RERE: variants seen among roughly 807,000 people sequenced by gnomAD.
RERE encodes arginine-glutamic acid dipeptide repeats, also known as arginine-glutamic acid dipeptide repeats protein.
A neutral mutation model predicts 146.1 loss-of-function variants in RERE; 40 were observed. The observed-to-expected ratio is 0.27, with a 90% CI of 0.21 to 0.36. RERE has a LOEUF of 0.36. Among genes scored for constraint, RERE ranks in the 10% least tolerant of loss-of-function variants. RERE has a pLI of 1.00. For missense variants in RERE, 1,933 were observed against 2,138.7 expected (o/e 0.90, Z 1.90); for synonymous variants, 1,003 against 866.0 (o/e 1.16, Z -2.78).
chr1:8,541,196 CA>C lies in RERE; in HGVS notation c.830+17del. On this transcript the variant is annotated intron_variant, in intron 7 of 22. Transcript: ENST00000400908. ...AGGAAAAGAGTTCTCAATGAATGGA[CA>C]CAAGTGACTCACTTACCTTGTCTCA... The C allele has an allele frequency of 7.5e-7, 1 of 1,331,894 alleles. No individual in the cohort carries two copies. The highest frequency in any genetic ancestry group is 1.1e-6 in the Non-Finnish European group (1 of 930,552). The allele number at this position is 1,331,894 out of a possible 1,614,324, so 82.5% of individuals were successfully genotyped here.
intron 1 of RERE, among the ~76,000 whole-genome samples, chr1:8,672,964 T>C (rs970965383): frequency 6.6e-6 from 1 of 152,150 alleles, no homozygotes; most frequent in Non-Finnish European, 1.5e-5. Flanking sequence ...CAGCAGTAAT[T>C]AGAATCGGAG....
Position 8,696,231 on chromosome 1 carries a change from A to G in RERE, c.-144-39790T>C, listed in dbSNP as rs1189733296. On this transcript the variant is annotated intron_variant, in intron 1 of 22. Coordinates refer to ENST00000400908, the MANE Select transcript of RERE (RefSeq NM_001042681.2). Reference sequence around the variant, plus strand: ...TTAAATCGTTCTACCAAAAATACACATGCACTCGTATGTTCATCACAGCGC... The same window carrying G: ...TTAAATCGTTCTACCAAAAATACACGTGCACTCGTATGTTCATCACAGCGC... 4.6e-5 allele frequency among the ~76,000 whole-genome samples: 7 copies of G among 152,334 alleles called. No individual in the cohort carries two copies. The East Asian group carries it at 1.2e-3, about 25-fold the overall frequency.
chr1:8,695,722 T>G (rs540201028), intron 1 of RERE, among the ~76,000 whole-genome samples: 11 of 151,130 alleles, frequency 7.3e-5, no homozygotes, highest in Non-Finnish European at 1.3e-4. Context: ...ATCACGCCAC[T>G]GCACTCCAGT....
At chr1:8,631,602 C>A (rs1215821764) in intron 2 of RERE, among the ~76,000 whole-genome samples, 2 of 152,158 alleles carry the variant, frequency 1.3e-5, no homozygotes, top group Non-Finnish European at 2.9e-5. Context: ...TGGTTGGACA[C>A]TTATATTACC....
At chr1:8,556,265 A>C (rs1646005333) in intron 6 of RERE, among the ~76,000 whole-genome samples, 1 of 152,200 alleles carries the variant, frequency 6.6e-6, no homozygotes, top group Non-Finnish European at 1.5e-5. Flanking sequence ...TCAAAAAAAA[A>C]AAAGAGAGAG....
chr1:8,784,048 G>T (rs890068933), intron 1 of RERE, among the ~76,000 whole-genome samples: 6 of 152,158 alleles, frequency 3.9e-5, no homozygotes, highest in Non-Finnish European at 8.8e-5. Context: ...AATGTCTGTT[G>T]TGTTAAGCCA....
At chr1:8,777,811 A>C (rs979327563) in intron 1 of RERE, among the ~76,000 whole-genome samples, 2 of 151,840 alleles carry the variant, frequency 1.3e-5, no homozygotes, top group Non-Finnish European at 2.9e-5. Context: ...CTGGGATTAC[A>C]GGCATGAGCC....
rs1036917524 is a variant in RERE at position 8,388,496 on chromosome 1, T to C, written c.1285-22522A>G. 2.6e-5 allele frequency among the ~76,000 whole-genome samples: 4 copies of C among 151,998 alleles called. No homozygotes were observed. In the South Asian group the frequency reaches 8.3e-4, roughly 32 times the overall value. ...CACCGCGCCCGGCTAATTTTTTGTATTTTTAGTAGAGACGGGGTTTCACCT... is the reference window on the plus strand; with the variant it reads ...CACCGCGCCCGGCTAATTTTTTGTACTTTTAGTAGAGACGGGGTTTCACCT... On this transcript the variant is annotated intron_variant, in intron 12 of 22. Coordinates refer to ENST00000400908, the MANE Select transcript of RERE (RefSeq NM_001042681.2).
intron 1 of RERE, among the ~76,000 whole-genome samples, chr1:8,804,356 G>A (rs931103183): frequency 5.3e-5 from 8 of 152,170 alleles, no homozygotes; most frequent in Non-Finnish European, 8.8e-5. Flanking sequence ...TGAACTGGAG[G>A]TGGGGGGTTA....
Position 8,466,015 on chromosome 1 carries a change from T to G in RERE, c.1113A>C (p.Glu371Asp), listed in dbSNP as rs763458769. 6.2e-7 allele frequency: 1 copy of G among 1,608,456 alleles called. No individual in the cohort carries two copies. The highest frequency in any genetic ancestry group is 8.5e-7 in the Non-Finnish European group (1 of 1,175,562). Residue 371 changes from glutamate to aspartate, a missense_variant, in exon 11 of 23, where the codon GAA becomes GAC. Glu to Asp is a conservative substitution (Grantham distance 45). This residue lies in a region of RERE where 260 missense variants were observed against 378.4 expected (regional missense o/e 0.69). Coordinates refer to ENST00000400908, the MANE Select transcript of RERE (RefSeq NM_001042681.2). ...TTLNALNTLH[E>D]SGYDAGKALQ... ...GGGCTTTGCCAGCATCGTAACCGCT[T>G]TCATGCAGCTAAAACAACAACAATT...
chr1:8,453,963 T>C (rs749091436), intron 11 of RERE, among the ~76,000 whole-genome samples: 1 of 152,082 alleles, frequency 6.6e-6, no homozygotes, highest in African/African-American at 2.4e-5. Context: ...TGGAAAACAG[T>C]TTATTAGCAA....
chr1:8,542,711 G>A (rs1270796536), intron 6 of RERE, among the ~76,000 whole-genome samples: 1 of 152,126 alleles, frequency 6.6e-6, no homozygotes, highest in Non-Finnish European at 1.5e-5. Flanking sequence ...TCACTAGGTT[G>A]CCCAGGCTGG....
At chr1:8,718,267 T>C (rs1639798927) in intron 1 of RERE, among the ~76,000 whole-genome samples, 1 of 152,208 alleles carries the variant, frequency 6.6e-6, no homozygotes, top group African/African-American at 2.4e-5. Flanking sequence ...CTAAAGCCGT[T>C]AGATTTCTAG....
intron 1 of RERE, among the ~76,000 whole-genome samples, chr1:8,812,951 A>AC (rs571216634): frequency 4.2e-4 from 64 of 152,248 alleles, no homozygotes; most frequent in African/African-American, 1.2e-3. Context: ...TTTAAAAAAA[A>AC]AACACACACA....
At chr1:8,647,140 A>G (rs1425531651) in intron 2 of RERE, among the ~76,000 whole-genome samples, 1 of 152,248 alleles carries the variant, frequency 6.6e-6, no homozygotes, top group Non-Finnish European at 1.5e-5. Flanking sequence ...TGTGGCCTCC[A>G]GAACTGTAAG....
chr1:8,587,309 A>C (rs1370239585), intron 4 of RERE, among the ~76,000 whole-genome samples: 3 of 152,222 alleles, frequency 2.0e-5, no homozygotes, highest in Non-Finnish European at 4.4e-5. Flanking sequence ...CTGCAAAACC[A>C]GAATCATTTC....
At chr1:8,458,455 G>A (rs1557641467) in intron 11 of RERE, among the ~76,000 whole-genome samples, 1 of 152,018 alleles carries the variant, frequency 6.6e-6, no homozygotes. Context: ...AGTACTCTTC[G>A]ATTTAAAAAG....
At chr1:8,671,333 A>G (rs1165815022) in intron 1 of RERE, among the ~76,000 whole-genome samples, 1 of 152,196 alleles carries the variant, frequency 6.6e-6, no homozygotes, top group Non-Finnish European at 1.5e-5. Flanking sequence ...AAAAGAATAC[A>G]CTTTTTTATT....
intron 4 of RERE, among the ~76,000 whole-genome samples, chr1:8,611,391 C>T (rs1364617768): frequency 6.6e-6 from 1 of 151,476 alleles, no homozygotes; most frequent in Non-Finnish European, 1.5e-5. Context: ...GTAACCCCAG[C>T]TACTCAGGAG....
Sources: allele counts gnomAD v4.1 joint callset (sites outside exome capture counted in the v4.1 genomes callset), GRCh38; gene constraint gnomAD v4.1.1; regional missense constraint gnomAD v4.1.1; transcripts MANE v1.5; gene names NCBI Gene and HGNC (gene_info 2026-07-23, HGNC 2026-07-21).